Variants in MALRD1 observed in about 807,000 individuals in gnomAD.
The protein encoded by MALRD1 is MAM and LDL-receptor class A domain-containing protein 1.
MALRD1 carries 247 observed loss-of-function variants against 242.1 expected under a neutral mutation model. The observed-to-expected ratio is 1.02, with a 90% CI of 0.92 to 1.13. The LOEUF is 1.13. Among genes scored for constraint, MALRD1 ranks in the 50% most tolerant of loss-of-function variants. MALRD1 has a pLI of 0.00. For synonymous variants in MALRD1, 995 were observed against 866.6 expected (o/e 1.15, Z -2.60); for missense variants, 2,989 against 2,533.1 (o/e 1.18, Z -3.86).
At chr10:19,099,761 A>T (rs576917455) in intron 4 of MALRD1, among the ~76,000 whole-genome samples, 2,326 of 104,928 alleles carry the variant, frequency 0.022, 53 homozygotes, top group African/African-American at 0.067. Context: ...ATATATATAT[A>T]TATTTTTTTT....
chr10:19,391,104 G>A (rs1846317904), intron 28 of MALRD1, among the ~76,000 whole-genome samples: 2 of 152,140 alleles, frequency 1.3e-5, no homozygotes, highest in South Asian at 4.1e-4. Flanking sequence ...TCTAGAAAGT[G>A]TAATACTAAA....
At chr10:19,335,197 T>TG (rs1239847561) in intron 24 of MALRD1, among the ~76,000 whole-genome samples, 1 of 149,794 alleles carries the variant, frequency 6.7e-6, no homozygotes, top group Middle Eastern at 3.4e-3. Context: ...TTTTTGTTTT[T>TG]TTTTTTTTTT....
chr10:19,514,225 A>G (rs1418590189), intron 31 of MALRD1, among the ~76,000 whole-genome samples: 4 of 152,248 alleles, frequency 2.6e-5, no homozygotes, highest in Non-Finnish European at 5.9e-5. Flanking sequence ...GGTAATAACT[A>G]GAATTATGAC....
chr10:19,246,804 A>C (rs962894088), intron 18 of MALRD1, among the ~76,000 whole-genome samples: 3 of 152,124 alleles, frequency 2.0e-5, no homozygotes, highest in East Asian at 1.9e-4. Flanking sequence ...TTGAATACTT[A>C]ATTTTTATTT....
intron 36 of MALRD1, among the ~76,000 whole-genome samples, chr10:19,636,241 T>C (rs1388856987): frequency 1.3e-5 from 2 of 152,110 alleles, no homozygotes; most frequent in Non-Finnish European, 2.9e-5. Flanking sequence ...CCAAGTAAAC[T>C]AGTTCTATTA....
intron 38 of MALRD1, among the ~76,000 whole-genome samples, chr10:19,720,465 T>G (rs1043527444): frequency 6.6e-6 from 1 of 152,204 alleles, no homozygotes; most frequent in Non-Finnish European, 1.5e-5. Context: ...TCTAAGCATC[T>G]GGTTTGTTTG....
chr10:19,698,010 G>C (rs773673930), intron 38 of MALRD1, among the ~76,000 whole-genome samples: 40 of 152,102 alleles, frequency 2.6e-4, no homozygotes, highest in Non-Finnish European at 5.7e-4. Flanking sequence ...GTGACATCTA[G>C]ATGTAAATGC....
intron 12 of MALRD1, among the ~76,000 whole-genome samples, chr10:19,156,707 T>G (rs1326961879): frequency 6.6e-6 from 1 of 152,146 alleles, no homozygotes; most frequent in Admixed American, 6.5e-5. Flanking sequence ...ATCATATGCA[T>G]GTATATGATT....
intron 24 of MALRD1, among the ~76,000 whole-genome samples, chr10:19,333,798 C>T (rs186676014): frequency 5.9e-5 from 9 of 152,076 alleles, no homozygotes; most frequent in Admixed American, 3.9e-4. Context: ...TCGGTAACCT[C>T]GCCAACATCT....
At chr10:19,306,458 T>G (rs12765695) in intron 21 of MALRD1, among the ~76,000 whole-genome samples, 3 of 136,474 alleles carry the variant, frequency 2.2e-5, no homozygotes, top group South Asian at 2.4e-4. Context: ...GTATATATAG[T>G]GTCGTATATG....
chr10:19,439,708 A>G (rs1303732162), intron 28 of MALRD1, among the ~76,000 whole-genome samples: 1 of 152,172 alleles, frequency 6.6e-6, no homozygotes, highest in African/African-American at 2.4e-5. Flanking sequence ...GTGTGTATAT[A>G]TAGATATAAA....
rs376386065 is a variant in MALRD1 at position 19,575,669 on chromosome 10, A to C, written c.5680+7966A>C. Among the ~76,000 whole-genome samples, 13 of 152,318 alleles carry C rather than the reference A, an allele frequency of 8.5e-5. No individual in the cohort carries two copies. In the East Asian group the frequency reaches 2.3e-3, roughly 27 times the overall value. Reference sequence around the variant, plus strand: ...ATAAGAAAATGCCATTAATGTCTTCAGTGCCTGTGCATACCCTTCTAAATA... The same window carrying C: ...ATAAGAAAATGCCATTAATGTCTTCCGTGCCTGTGCATACCCTTCTAAATA... On this transcript the variant is annotated intron_variant, in intron 33 of 39. Coordinates refer to ENST00000454679, the MANE Select transcript of MALRD1 (RefSeq NM_001142308.3).
At chr10:19,251,275 T>G (rs1839281403) in intron 18 of MALRD1, among the ~76,000 whole-genome samples, 1 of 152,040 alleles carries the variant, frequency 6.6e-6, no homozygotes, top group Non-Finnish European at 1.5e-5. Flanking sequence ...TAGGCACAGT[T>G]CAGCCTTTGA....
intron 28 of MALRD1, among the ~76,000 whole-genome samples, chr10:19,393,492 C>A (rs1418166689): frequency 7.4e-6 from 1 of 134,886 alleles, no homozygotes; most frequent in Non-Finnish European, 1.5e-5. Flanking sequence ...GTCACCCAGG[C>A]TGGAGTGCAG....
intron 38 of MALRD1, among the ~76,000 whole-genome samples, chr10:19,720,848 G>A (rs1834713227): frequency 6.6e-6 from 1 of 152,008 alleles, no homozygotes; most frequent in Admixed American, 6.6e-5. Context: ...TCAGAGACCA[G>A]GTATAAAATA....
At chr10:19,461,472 A>G (rs1835938659) in intron 29 of MALRD1, among the ~76,000 whole-genome samples, 1 of 152,224 alleles carries the variant, frequency 6.6e-6, no homozygotes. Context: ...TCAAACGTAA[A>G]AGGAGTTCAT....
chr10:19,559,823 G>A (rs1187310414), intron 32 of MALRD1, among the ~76,000 whole-genome samples: 1 of 152,078 alleles, frequency 6.6e-6, no homozygotes, highest in East Asian at 1.9e-4. Flanking sequence ...TCGAACCATG[G>A]ACAAAGGATG....
At chr10:19,222,196 T>C (rs1837587413) in intron 18 of MALRD1, among the ~76,000 whole-genome samples, 1 of 151,974 alleles carries the variant, frequency 6.6e-6, no homozygotes, top group African/African-American at 2.4e-5. Context: ...TTAGTTCCCC[T>C]GGAAGCACAT....
chr10:19,088,522 C>T (rs1457625689), intron 4 of MALRD1, among the ~76,000 whole-genome samples: 1 of 140,070 alleles, frequency 7.1e-6, no homozygotes. Flanking sequence ...ACTGCTCCAA[C>T]TTCCTCTTTC....
Sources: allele counts gnomAD v4.1 joint callset (sites outside exome capture counted in the v4.1 genomes callset), GRCh38; gene constraint gnomAD v4.1.1; transcripts MANE v1.5; gene names NCBI Gene and HGNC (gene_info 2026-07-23, HGNC 2026-07-21).